ENOX1: variants seen among roughly 807,000 people sequenced by gnomAD.
The protein encoded by ENOX1 is ecto-NOX disulfide-thiol exchanger 1.
Under a neutral mutation model 82.5 loss-of-function variants are expected in ENOX1, and 42 were observed. That is an observed-to-expected ratio of 0.51 (90% CI 0.40 to 0.66). The LOEUF is 0.66. Ranked by LOEUF, ENOX1 falls within the 30% of genes least tolerant of loss-of-function variation. The probability of loss-of-function intolerance (pLI) is 0.00; values close to 1 mark genes in which losing one functional copy is unlikely to be tolerated. For missense variants in ENOX1, 608 were observed against 811.6 expected (o/e 0.75, Z 3.05); for synonymous variants, 271 against 282.2 (o/e 0.96, Z 0.40).
chr13:43,488,510 G>A (rs750105093), intron 2 of ENOX1, among the ~76,000 whole-genome samples: 7 of 152,132 alleles, frequency 4.6e-5, no homozygotes, highest in Non-Finnish European at 5.9e-5. Context: ...GAACAACAAA[G>A]GCAGAAATTG....
intron 2 of ENOX1, among the ~76,000 whole-genome samples, chr13:43,622,796 T>G (rs1594144088): frequency 6.6e-6 from 1 of 151,412 alleles, no homozygotes; most frequent in African/African-American, 2.4e-5. Flanking sequence ...AAGGAATGGG[T>G]GGTGGGGTGG....
chr13:43,530,240 C>G (rs555101855), intron 2 of ENOX1, among the ~76,000 whole-genome samples: 1 of 152,080 alleles, frequency 6.6e-6, no homozygotes, highest in Non-Finnish European at 1.5e-5. Flanking sequence ...AGTATATGAT[C>G]AGAGCAGACA....
At chr13:43,416,993 G>A (rs998744819) in intron 3 of ENOX1, among the ~76,000 whole-genome samples, 4 of 152,202 alleles carry the variant, frequency 2.6e-5, no homozygotes, top group African/African-American at 7.2e-5. Context: ...CAGATCACTC[G>A]AGGTCAAGAG....
chr13:43,481,570 A>G (rs1188405573), intron 3 of ENOX1, among the ~76,000 whole-genome samples: 2 of 152,118 alleles, frequency 1.3e-5, no homozygotes, highest in Admixed American at 6.5e-5. Context: ...GTAGAAGAAA[A>G]CCCAGGGAAA....
At chr13:43,734,282 G>A (rs931104406) in intron 1 of ENOX1, among the ~76,000 whole-genome samples, 3 of 152,096 alleles carry the variant, frequency 2.0e-5, no homozygotes, top group Non-Finnish European at 4.4e-5. Context: ...CAACCCTAGA[G>A]AACTAGTACA....
At chr13:43,688,768 G>A (rs58172578) in intron 1 of ENOX1, among the ~76,000 whole-genome samples, 13,439 of 152,134 alleles carry the variant, frequency 0.088, 938 homozygotes, top group East Asian at 0.28. Context: ...AGAAGGAGCA[G>A]GGTCAGAGGG....
At chr13:43,284,784 GTGTGTGTGTGTGTGT>G (rs2153494194) in intron 12 of ENOX1, among the ~76,000 whole-genome samples, 1 of 101,212 alleles carries the variant, frequency 9.9e-6, no homozygotes, top group East Asian at 1.2e-3. Flanking sequence ...GTGTGTGTGT[GTGTGTGTGTGTGTGT>G]GTGTGTGTGT....
At chr13:43,432,769 T>C (rs1046357925) in intron 3 of ENOX1, among the ~76,000 whole-genome samples, 5 of 152,262 alleles carry the variant, frequency 3.3e-5, no homozygotes, top group Non-Finnish European at 7.3e-5. Flanking sequence ...TTTGTGGTTA[T>C]TATTGTTGCT....
intron 14 of ENOX1, among the ~76,000 whole-genome samples, chr13:43,245,517 T>A (rs1268592303): frequency 1.3e-5 from 2 of 152,154 alleles, no homozygotes; most frequent in African/African-American, 2.4e-5. Flanking sequence ...CTTTAGAATT[T>A]TTTATGGTTT....
At chr13:43,415,778 A>G (rs921230125) in intron 3 of ENOX1, among the ~76,000 whole-genome samples, 3 of 151,440 alleles carry the variant, frequency 2.0e-5, no homozygotes, top group Non-Finnish European at 2.9e-5. Context: ...GCTGTTGGGT[A>G]CACCTCCCAG....
At chr13:43,578,418 C>T (rs1004508612) in intron 2 of ENOX1, among the ~76,000 whole-genome samples, 1 of 151,970 alleles carries the variant, frequency 6.6e-6, no homozygotes, top group African/African-American at 2.4e-5. Context: ...AATTTTTTGA[C>T]ACATTTGAAA....
chr13:43,656,243 C>T (rs78840409), intron 2 of ENOX1, among the ~76,000 whole-genome samples: 3,545 of 152,222 alleles, frequency 0.023, 140 homozygotes, highest in African/African-American at 0.08. Context: ...TAATTCTCTG[C>T]TCCTTATGGA....
At chr13:43,729,517 C>G (rs576693014) in intron 1 of ENOX1, among the ~76,000 whole-genome samples, 11 of 152,170 alleles carry the variant, frequency 7.2e-5, no homozygotes, top group African/African-American at 2.6e-4. Context: ...TACTTTTCAT[C>G]TATTTATTAA....
At chr13:43,782,631 G>A (rs1054771613) in intron 1 of ENOX1, among the ~76,000 whole-genome samples, 1 of 151,954 alleles carries the variant, frequency 6.6e-6, no homozygotes, top group African/African-American at 2.4e-5. Context: ...TCAATGTCAA[G>A]GTTTTCTACT....
intron 1 of ENOX1, among the ~76,000 whole-genome samples, chr13:43,729,549 T>C (rs952480206): frequency 3.9e-5 from 6 of 152,350 alleles, no homozygotes; most frequent in African/African-American, 1.4e-4. Flanking sequence ...AATGTTTTGT[T>C]GTGGTACTTA....
chr13:43,550,792 A>G (rs1356037663), intron 2 of ENOX1, among the ~76,000 whole-genome samples: 2 of 152,220 alleles, frequency 1.3e-5, no homozygotes, highest in African/African-American at 4.8e-5. Context: ...GGACATAGCA[A>G]AGAAGTTGTA....
At chr13:43,439,656 G>T in intron 3 of ENOX1, among the ~76,000 whole-genome samples, 1 of 117,810 alleles carries the variant, frequency 8.5e-6, no homozygotes. Flanking sequence ...CCTTCTTATA[G>T]CAACTCGTTC....
intron 1 of ENOX1, among the ~76,000 whole-genome samples, chr13:43,678,069 A>C (rs538315375): frequency 3.9e-5 from 6 of 152,290 alleles, no homozygotes; most frequent in Non-Finnish European, 7.3e-5. Context: ...GTGCTATACA[A>C]ATGTGCATAC....
At chr13:43,481,226 A>G (rs1157503529) in intron 3 of ENOX1, among the ~76,000 whole-genome samples, 2 of 152,286 alleles carry the variant, frequency 1.3e-5, no homozygotes, top group East Asian at 3.9e-4. Flanking sequence ...TATATTATAT[A>G]CAGAGTTTCA....
Sources: allele counts gnomAD v4.1 joint callset (sites outside exome capture counted in the v4.1 genomes callset), GRCh38; gene constraint gnomAD v4.1.1; transcripts MANE v1.5; gene names NCBI Gene and HGNC (gene_info 2026-07-23, HGNC 2026-07-21).